Variants in ADAMTS2 observed in about 807,000 individuals in gnomAD.
The protein encoded by ADAMTS2 is ADAM metallopeptidase with thrombospondin type 1 motif 2.
ADAMTS2 carries 50 observed loss-of-function variants against 123.0 expected under a neutral mutation model. The observed-to-expected ratio is 0.41, with a 90% confidence interval of 0.32 to 0.51. The LOEUF is 0.51. ADAMTS2 is among the 20% of genes least tolerant of loss of function. The pLI, the probability that ADAMTS2 is intolerant of heterozygous loss-of-function variation, is 0.35. For missense variants in ADAMTS2, 1,494 were observed against 1,705.2 expected (o/e 0.88, Z 2.18); for synonymous variants, 678 against 695.4 (o/e 0.98, Z 0.39).
rs546013522 is a variant in ADAMTS2 at position 179,266,675 on chromosome 5, G to T, written c.688+6236C>A. On this transcript the variant is annotated intron_variant, in intron 3 of 21. Coordinates refer to ENST00000251582, the MANE Select transcript of ADAMTS2 (RefSeq NM_014244.5). ...GCAGCCACAGGAAGCTGAGATGGAC[G>T]TCGACAGCTACAGGGCAGAAAGGCT... Among the ~76,000 whole-genome samples the T allele has an allele frequency of 1.3e-4, 20 of 152,340 alleles. No homozygotes were observed. The South Asian group carries it at 3.9e-3, about 30-fold the overall frequency.
rs181137272 is a variant in ADAMTS2 at position 179,306,010 on chromosome 5, C to A, written c.535-32946G>T. 3.9e-3 allele frequency among the ~76,000 whole-genome samples: 586 copies of A among 152,100 alleles called. 3 individuals carry two copies. The highest frequency in any genetic ancestry group is 0.014 in the African/African-American group (562 of 41,492). ...TAAAATCCTGCAAAAAAGAAATTTC[C>A]AGGTCTAGACGGTTTTACTGGAAAA... is the stretch of plus-strand genomic sequence containing the variant. On this transcript the variant is annotated intron_variant, in intron 2 of 21. Coordinates refer to ENST00000251582, the MANE Select transcript of ADAMTS2 (RefSeq NM_014244.5).
chr5:179,189,548 A>G lies in ADAMTS2; in HGVS notation c.892-8393T>C, dbSNP rs143041419. ...TTTTTTTTTTTTTTTTAGTAGAGGCAGGGTTTCACAATGTTAGCCAGGATG... is the reference window on the plus strand; with the variant it reads ...TTTTTTTTTTTTTTTTAGTAGAGGCGGGGTTTCACAATGTTAGCCAGGATG... On this transcript the variant is annotated intron_variant, in intron 4 of 21. Coordinates refer to ENST00000251582, the MANE Select transcript of ADAMTS2 (RefSeq NM_014244.5). The surrounding 1 kb of genome is among the most constrained non-coding windows in gnomAD (Gnocchi z 4.2). Among the ~76,000 whole-genome samples, 2,991 of 98,750 alleles carry G rather than the reference A, an allele frequency of 0.03. 112 individuals carry two copies. Among genetic ancestry groups the G allele is most frequent in the African/African-American group, 0.093 (2,352 of 25,258 alleles). The allele number at this position is 98,750 out of a possible 152,430, so 64.8% of individuals were successfully genotyped here.
Position 179,227,951 on chromosome 5 carries a change from G to A in ADAMTS2, c.689-20236C>T, listed in dbSNP as rs114180152. Among the ~76,000 whole-genome samples, 303 of 152,260 alleles carry A rather than the reference G, an allele frequency of 2.0e-3. 1 individual carries two copies. The highest frequency in any genetic ancestry group is 7.1e-3 in the African/African-American group (296 of 41,562). ...GAGGGGGAGTCACAGCTTGGGTGCA[G>A]AAAGTGGGGCCAGGGAGGATTCCGG... On this transcript the variant is annotated intron_variant, in intron 3 of 21. Coordinates refer to ENST00000251582, the MANE Select transcript of ADAMTS2 (RefSeq NM_014244.5).
chr5:179,292,884 A>G lies in ADAMTS2; in HGVS notation c.535-19820T>C, dbSNP rs1328277676. 8.5e-5 allele frequency among the ~76,000 whole-genome samples: 13 copies of G among 152,168 alleles called. No homozygotes were observed. The East Asian group carries it at 9.6e-4, about 11-fold the overall frequency. ...CCAGGCCTCCAGCCCCAGCCCCCCA[A>G]TAGCCTGCCTTGAATTGTCTTCTGC... On this transcript the variant is annotated intron_variant, in intron 2 of 21. Transcript: ENST00000251582.
Position 179,228,704 on chromosome 5 carries a change from CA to C in ADAMTS2, c.689-20990del, listed in dbSNP as rs1765342505. On this transcript the variant is annotated intron_variant, in intron 3 of 21. Coordinates refer to ENST00000251582, the MANE Select transcript of ADAMTS2 (RefSeq NM_014244.5). This position sits in a 1 kb window ranked among gnomAD's most constrained non-coding sequence, Gnocchi z 5.2. ...CCCTTAAGGCAGGCAGAACACTAAC[CA>C]AAGCCAGCGGACATCCACTGCCTGC... 1.3e-5 allele frequency among the ~76,000 whole-genome samples: 2 copies of C among 152,258 alleles called. No homozygotes were observed. The highest frequency in any genetic ancestry group is 4.8e-5 in the African/African-American group (2 of 41,476).
intron 3 of ADAMTS2, among the ~76,000 whole-genome samples, chr5:179,216,161 G>C (rs1010111200): frequency 6.6e-6 from 1 of 152,240 alleles, no homozygotes; most frequent in Non-Finnish European, 1.5e-5. Flanking sequence ...GAGGCCCATG[G>C]AGGGTGGCGA....
Position 179,114,083 on chromosome 5 carries a change from C to G in ADAMTS2, c.3420G>C (p.Leu1140=), listed in dbSNP as rs571329157. Residue 1140 remains leucine, a synonymous_variant, in exon 22 of 22, where the codon CTG becomes CTC. Transcript: ENST00000251582. ...MEVRPSPSTP[L]EVPLNASSTN... Reference sequence around the variant, plus strand: ...TGCTGGAGGCATTGAGAGGGACCTCCAGGGGGGTGCTTGGTGATGGCCGCA... The same window carrying G: ...TGCTGGAGGCATTGAGAGGGACCTCGAGGGGGGTGCTTGGTGATGGCCGCA... 3 of 1,614,090 alleles carry G rather than the reference C, an allele frequency of 1.9e-6. No individual in the cohort carries two copies. Among genetic ancestry groups the G allele is most frequent in the Admixed American group, 1.7e-5 (1 of 60,014 alleles).
At chr5:179,203,197 C>T (rs951047172) in intron 4 of ADAMTS2, among the ~76,000 whole-genome samples, 1 of 152,188 alleles carries the variant, frequency 6.6e-6, no homozygotes, top group Non-Finnish European at 1.5e-5. Context: ...ACCATCAGGG[C>T]CCCCACCAGC....
chr5:179,173,383 A>G (rs2113296950), intron 5 of ADAMTS2, among the ~76,000 whole-genome samples: 1 of 152,284 alleles, frequency 6.6e-6, no homozygotes, highest in East Asian at 1.9e-4. Context: ...TGGTAAATAT[A>G]TTTGTACACC....
At chr5:179,269,274 T>G (rs1264527513) in intron 3 of ADAMTS2, among the ~76,000 whole-genome samples, 1 of 152,188 alleles carries the variant, frequency 6.6e-6, no homozygotes, top group Admixed American at 6.5e-5. Context: ...TTCAGACTTC[T>G]GGCCCACAGA....
intron 3 of ADAMTS2, among the ~76,000 whole-genome samples, chr5:179,239,746 G>C (rs1355393715): frequency 2.0e-5 from 3 of 152,124 alleles, no homozygotes; most frequent in African/African-American, 2.4e-5. Flanking sequence ...CCAGGACAGA[G>C]CCCTGGGCGC....
intron 21 of ADAMTS2, among the ~76,000 whole-genome samples, chr5:179,116,705 G>T (rs187666629): frequency 6.6e-6 from 1 of 152,312 alleles, no homozygotes; most frequent in East Asian, 1.9e-4. Context: ...TCAAAACAGG[G>T]AAATTTTGAA....
chr5:179,245,431 G>A (rs1385948897), intron 3 of ADAMTS2, among the ~76,000 whole-genome samples: 1 of 152,152 alleles, frequency 6.6e-6, no homozygotes, highest in Non-Finnish European at 1.5e-5. Context: ...TGTTACCGCA[G>A]CAATCAAAAA....
intron 5 of ADAMTS2, among the ~76,000 whole-genome samples, chr5:179,164,693 G>A (rs1202537407): frequency 6.6e-6 from 1 of 152,224 alleles, no homozygotes; most frequent in Non-Finnish European, 1.5e-5. Context: ...TTCTGGGGGT[G>A]CAGCCCTTGT....
Position 179,267,218 on chromosome 5 carries a change from G to T in ADAMTS2, c.688+5693C>A, listed in dbSNP as rs576422293. Among the ~76,000 whole-genome samples the T allele has an allele frequency of 1.6e-4, 25 of 152,306 alleles. No homozygotes were observed. The East Asian group carries it at 4.3e-3, about 26-fold the overall frequency. On this transcript the variant is annotated intron_variant, in intron 3 of 21. Coordinates refer to ENST00000251582, the MANE Select transcript of ADAMTS2 (RefSeq NM_014244.5). ...CAGGGTGGAGACTGTGGGTCAGGAG[G>T]GGCTCTTCCTGGCCTGGTGGGGAAG...
At position 179,217,995 on chromosome 5, in the gene ADAMTS2, C is replaced by T. The variant is rs192790122; in HGVS notation, c.689-10280G>A. Among the ~76,000 whole-genome samples, 212 of 152,324 alleles carry T rather than the reference C, an allele frequency of 1.4e-3. 2 individuals are homozygous for T. Among genetic ancestry groups the T allele is most frequent in the Admixed American group, 0.013 (194 of 15,298 alleles). ...AACCTGCCAACCATGTGGATGGGAA[C>T]AAGTCATCCTTTTTCCAGTGCTTAG... On this transcript the variant is annotated intron_variant, in intron 3 of 21. Transcript: ENST00000251582.
rs1438530325 is a variant in ADAMTS2 at position 179,162,336 on chromosome 5, G to C, written c.976-3457C>G. Among the ~76,000 whole-genome samples the C allele has an allele frequency of 6.6e-6, 1 of 152,152 alleles. No individual in the cohort carries two copies. Among genetic ancestry groups the C allele is most frequent in the African/African-American group, 2.4e-5 (1 of 41,440 alleles). On this transcript the variant is annotated intron_variant, in intron 5 of 21. Transcript: ENST00000251582. This position sits in a 1 kb window ranked among gnomAD's most constrained non-coding sequence, Gnocchi z 5.1. ...CAGGGTGAACATACAACCAAAGCGG[G>C]CCAAGGAGTAGGCAAGGTGTGAGGT...
In ADAMTS2 at chr5:179,308,026, G is replaced by A. The variant is rs538988888; in HGVS notation, c.535-34962C>T. ...ATCTCACAGGCATGGAGTTGAGTAC[G>A]GGAGGTCGCCGGCCCTCCCGAGGCT... On this transcript the variant is annotated intron_variant, in intron 2 of 21. Transcript: ENST00000251582. This position sits in a 1 kb window ranked among gnomAD's most constrained non-coding sequence, Gnocchi z 6.6. 1.1e-4 allele frequency among the ~76,000 whole-genome samples: 17 copies of A among 152,294 alleles called. No individual in the cohort carries two copies. Among genetic ancestry groups the A allele is most frequent in the African/African-American group, 3.6e-4 (15 of 41,550 alleles).
At position 179,202,624 on chromosome 5, in the gene ADAMTS2, C is replaced by T. The variant is rs1764594743; in HGVS notation, c.891+4889G>A. ...TAGACGCCCCATAAACACCGGCCCC[C>T]GTATGAACGGCAGCCAGGGGCACCA... On this transcript the variant is annotated intron_variant, in intron 4 of 21. Coordinates refer to ENST00000251582, the MANE Select transcript of ADAMTS2 (RefSeq NM_014244.5). This position sits in a 1 kb window ranked among gnomAD's most constrained non-coding sequence, Gnocchi z 4.0. Among the ~76,000 whole-genome samples, 1 of 152,276 alleles carries T rather than the reference C, an allele frequency of 6.6e-6. No homozygotes were observed. The highest frequency in any genetic ancestry group is 2.4e-5 in the African/African-American group (1 of 41,564).
Sources: gnomAD v4.1 joint callset for allele counts (sites outside exome capture counted in the v4.1 genomes callset) on GRCh38, gnomAD v4.1.1 for gene constraint, Gnocchi (gnomAD v3.1) non-coding constraint, MANE v1.5 for transcripts, NCBI Gene and HGNC (gene_info 2026-07-23, HGNC 2026-07-21) for gene names.